CMSS1: variants seen among roughly 807,000 people sequenced by gnomAD.
CMSS1 encodes the protein cms1 ribosomal small subunit homolog, also known as protein CMSS1.
Under a neutral mutation model 43.5 loss-of-function variants are expected in CMSS1, and 33 were observed. The observed-to-expected ratio is 0.76, with a 90% confidence interval of 0.57 to 1.01. The LOEUF (loss-of-function observed/expected upper bound fraction) is 1.01. CMSS1 is among the 50% of genes least tolerant of loss of function. The pLI is 0.00. For synonymous variants in CMSS1, 115 were observed against 117.2 expected, an observed-to-expected ratio of 0.98 and a Z score of 0.12; for missense variants, 313 against 326.4, an observed-to-expected ratio of 0.96 and a Z score of 0.32.
intron 2 of CMSS1, among the ~76,000 whole-genome samples, chr3:100,150,540 T>A (rs1034164937): frequency 2.6e-5 from 4 of 152,210 alleles, no homozygotes; most frequent in Admixed American, 6.5e-5. Context: ...TCCTTTGCCA[T>A]AGCTGGGCCT....
At chr3:99,897,588 GA>G (rs1418827025) in intron 1 of CMSS1, among the ~76,000 whole-genome samples, 1 of 152,148 alleles carries the variant, frequency 6.6e-6, no homozygotes, top group Non-Finnish European at 1.5e-5. Flanking sequence ...AAGACAATGG[GA>G]TGCCTTATGA....
intron 1 of CMSS1, among the ~76,000 whole-genome samples, chr3:100,012,841 C>A (rs558275713): frequency 2.6e-5 from 4 of 151,338 alleles, no homozygotes; most frequent in African/African-American, 9.7e-5. Flanking sequence ...AGCATGATCC[C>A]CAGCTCACTG....
At chr3:99,858,020 A>G (rs954349749) in intron 1 of CMSS1, among the ~76,000 whole-genome samples, 6 of 152,198 alleles carry the variant, frequency 3.9e-5, no homozygotes, top group African/African-American at 1.4e-4. Context: ...TTCCAGCACA[A>G]TTCAGTAAAG....
chr3:100,151,927 A>G (rs759856857), intron 2 of CMSS1, among the ~76,000 whole-genome samples: 3 of 152,296 alleles, frequency 2.0e-5, no homozygotes, highest in Non-Finnish European at 4.4e-5. Flanking sequence ...CTTTGAGTAC[A>G]TTTCTTCTTC....
chr3:99,906,142 G>A (rs569728140), intron 1 of CMSS1, among the ~76,000 whole-genome samples: 3 of 152,202 alleles, frequency 2.0e-5, no homozygotes, highest in South Asian at 4.1e-4. Context: ...TGCAGTGAGC[G>A]GAGATCGCAC....
chr3:99,983,383 TAA>T (rs1449064999), intron 1 of CMSS1, among the ~76,000 whole-genome samples: 195 of 30,046 alleles, frequency 6.5e-3, no homozygotes, highest in East Asian at 0.031. Context: ...AAAAAATAAA[TAA>T]ATAAATATAT....
intron 1 of CMSS1, among the ~76,000 whole-genome samples, chr3:100,115,575 G>GTCTCTCTCTCTCTCTCTCTCTC (rs66793218): frequency 2.0e-5 from 2 of 98,024 alleles, no homozygotes; most frequent in East Asian, 3.9e-4. Context: ...CTCTCTCTCT[G>GTCTCTCTCTCTCTCTCTCTCTC]TCTCTCTCTC....
chr3:99,956,218 T>G (rs1208644662), intron 1 of CMSS1, among the ~76,000 whole-genome samples: 1 of 152,134 alleles, frequency 6.6e-6, no homozygotes, highest in Non-Finnish European at 1.5e-5. Flanking sequence ...CACAAACACC[T>G]TCACCTTCCT....
intron 1 of CMSS1, among the ~76,000 whole-genome samples, chr3:99,991,655 C>T (rs1429481423): frequency 6.6e-6 from 1 of 151,896 alleles, no homozygotes; most frequent in African/African-American, 2.4e-5. Context: ...CTCTGTATGT[C>T]CATGTATATC....
At chr3:100,160,568 A>G in intron 3 of CMSS1, 67 bp downstream of exon 3, 2 of 782,474 alleles carry the variant, frequency 2.6e-6, no homozygotes, top group Non-Finnish European at 4.3e-6. Flanking sequence ...TATATATCAT[A>G]CTTTCTTGAG....
rs1422382294 is a variant in CMSS1 at position 99,818,295 on chromosome 3, C to A, written c.64+252C>A. ...CACAAGCTTTCTCTTTTCCTTATTT[C>A]TTGAGAATGGATAAGACAGTTTTTG... On this transcript the variant is annotated intron_variant, in intron 1 of 9. Coordinates refer to ENST00000421999, the MANE Select transcript of CMSS1 (RefSeq NM_032359.4). Among the ~76,000 whole-genome samples the A allele has an allele frequency of 2.0e-5, 3 of 152,352 alleles. No homozygotes were observed. The East Asian group carries it at 5.8e-4, about 29-fold the overall frequency.
intron 1 of CMSS1, chr3:99,850,115 C>T: frequency 6.2e-7 from 1 of 1,612,814 alleles, no homozygotes; most frequent in Non-Finnish European, 8.5e-7. Context: ...TGAGAAGAAG[C>T]AGCTTGTAAT....
chr3:99,989,802 A>AG (rs1478076970), intron 1 of CMSS1, among the ~76,000 whole-genome samples: 1 of 152,104 alleles, frequency 6.6e-6, no homozygotes, highest in Non-Finnish European at 1.5e-5. Flanking sequence ...TTTGATAGAA[A>AG]GGAAAATGGA....
chr3:99,915,692 A>G (rs1205410164), intron 1 of CMSS1, among the ~76,000 whole-genome samples: 1 of 151,928 alleles, frequency 6.6e-6, no homozygotes, highest in African/African-American at 2.4e-5. Context: ...GTGTTAGATC[A>G]TTAGGACATT....
chr3:99,889,871 GTTA>G (rs1312105983), intron 1 of CMSS1, among the ~76,000 whole-genome samples: 3 of 151,798 alleles, frequency 2.0e-5, no homozygotes. Context: ...TTATATTATT[GTTA>G]TTATATATTT....
intron 1 of CMSS1, among the ~76,000 whole-genome samples, chr3:100,105,901 A>G (rs1196671106): frequency 6.6e-6 from 1 of 152,120 alleles, no homozygotes; most frequent in Non-Finnish European, 1.5e-5. Flanking sequence ...TTTTTTAATC[A>G]ATGAGCTTTC....
chr3:99,961,237 C>T (rs10936007), intron 1 of CMSS1, among the ~76,000 whole-genome samples: 2 of 152,186 alleles, frequency 1.3e-5, no homozygotes, highest in African/African-American at 2.4e-5. Flanking sequence ...GGACTTGCCT[C>T]TTGCAGGTGT....
At chr3:99,903,927 G>A (rs1346338835) in intron 1 of CMSS1, among the ~76,000 whole-genome samples, 1 of 152,096 alleles carries the variant, frequency 6.6e-6, no homozygotes, top group Non-Finnish European at 1.5e-5. Context: ...TCTTCATTTG[G>A]TAATAGAAAA....
Position 100,021,960 on chromosome 3 carries a change from TGAGAGA to T in CMSS1, c.65-124984_65-124979del, listed in dbSNP as rs61630053. Among the ~76,000 whole-genome samples the T allele has an allele frequency of 4.7e-3, 440 of 93,230 alleles. 2 individuals carry two copies. Among genetic ancestry groups the T allele is most frequent in the African/African-American group, 0.017 (411 of 24,778 alleles). 61.2% of individuals were successfully genotyped at this position (93,230 alleles called of 152,430 possible). ...GTGTGTGTGTGTGTGTGTGTGTGTG[TGAGAGA>T]GAGAGAGAGAGAGAGAGAGAGAGAG... On this transcript the variant is annotated intron_variant, in intron 1 of 9. Coordinates refer to ENST00000421999, the MANE Select transcript of CMSS1 (RefSeq NM_032359.4).
Sources: gnomAD v4.1 joint callset for allele counts (sites outside exome capture counted in the v4.1 genomes callset) on GRCh38, gnomAD v4.1.1 for gene constraint, MANE v1.5 for transcripts, NCBI Gene and HGNC (gene_info 2026-07-23, HGNC 2026-07-21) for gene names.